The following DSC1 variants were observed in gnomAD, a reference collection of about 807,000 sequenced individuals.
DSC1 encodes the protein desmocollin-1.
DSC1 carries 79 observed loss-of-function variants against 98.8 expected under a neutral mutation model. The ratio of observed to expected loss-of-function variants is 0.80; its 90% CI spans 0.67 to 0.96. The LOEUF (loss-of-function observed/expected upper bound fraction) is 0.96. Among genes scored for constraint, DSC1 ranks in the 50% least tolerant of loss-of-function variants. The pLI is 0.00. For synonymous variants in DSC1, 405 were observed against 372.1 expected (o/e 1.09, Z -1.02); for missense variants, 1,115 against 1,075.9 (o/e 1.04, Z -0.51).
chr18:31,162,661 C>CCGCTCTG lies in DSC1; in HGVS notation c.-68_-67insCAGAGCG. ...GGGCAGCCTGGGATGCACAGAGCGG[C>CCGCTCTG]TAAGAAGACGCTGGCACTTGCACAG... is the stretch of plus-strand genomic sequence containing the variant. On this transcript the variant is annotated 5_prime_UTR_variant, in exon 1 of 16. Coordinates refer to ENST00000257198, the MANE Select transcript of DSC1 (RefSeq NM_024421.2). 6.9e-7 allele frequency: 1 copy of CCGCTCTG among 1,452,628 alleles called. No homozygotes were observed. The highest frequency in any genetic ancestry group is 9.7e-7 in the Non-Finnish European group (1 of 1,035,616). 90.0% of individuals were successfully genotyped at this position (1,452,628 alleles called of 1,614,324 possible).
At chr18:31,161,367 T>G (rs1374376548) in intron 1 of DSC1, among the ~76,000 whole-genome samples, 1 of 149,726 alleles carries the variant, frequency 6.7e-6, no homozygotes, top group African/African-American at 2.5e-5. Context: ...TATATATAAA[T>G]GTACATATAT....
intron 11 of DSC1, among the ~76,000 whole-genome samples, chr18:31,138,634 G>A (rs1988663141): frequency 6.6e-6 from 1 of 150,994 alleles, no homozygotes. Context: ...AAAAACAAAG[G>A]GACAAATAAA....
In DSC1 at chr18:31,159,431, A is replaced by G; in HGVS notation, c.148+14T>C. The G allele has an allele frequency of 3.7e-6, 6 of 1,610,476 alleles. No individual in the cohort carries two copies. Among genetic ancestry groups the G allele is most frequent in the Non-Finnish European group, 5.1e-6 (6 of 1,177,596 alleles). On this transcript the variant is annotated intron_variant, in intron 2 of 15. Transcript: ENST00000257198. ...ACAAGTTACAGCTATGAAACTGTTA[A>G]TAGTGTTTCTCACCTTTGCCTACAA...
At chr18:31,150,322 C>CACCACG (rs1988956966) in intron 5 of DSC1, among the ~76,000 whole-genome samples, 6 of 80,218 alleles carry the variant, frequency 7.5e-5, no homozygotes, top group African/African-American at 9.3e-5. Context: ...CTACTACCAT[C>CACCACG]ATCACCACCA....
intron 1 of DSC1, among the ~76,000 whole-genome samples, chr18:31,160,571 CTA>C (rs201759958): frequency 0.012 from 1,855 of 152,222 alleles, 38 homozygotes; most frequent in African/African-American, 0.043. Context: ...TTACAAAAAT[CTA>C]TGTTAGGCAG....
intron 1 of DSC1, among the ~76,000 whole-genome samples, chr18:31,160,572 T>C (rs1281983548): frequency 6.7e-6 from 1 of 148,592 alleles, no homozygotes; most frequent in African/African-American, 2.6e-5. Flanking sequence ...TACAAAAATC[T>C]ATGTTAGGCA....
Position 31,130,652 on chromosome 18 carries a change from C to A in DSC1, c.2547G>T (p.Ser849=), listed in dbSNP as rs1816634. 77,774 of 1,613,858 alleles carry A rather than the reference C, an allele frequency of 0.048. 2,988 individuals are homozygous for A. Among genetic ancestry groups the A allele is most frequent in the African/African-American group, 0.2 (15,216 of 74,896 alleles). The part of the protein sequence containing the change: ...EHKHCEDYVC[S]YNYEGKGSLA... ...GAGAACCTTTGCCTTCATAGTTATA[C>A]GAACAAACGTAGTCTTCACAATGTT... is the stretch of plus-strand genomic sequence containing the variant. Residue 849 remains serine, a synonymous_variant, in exon 16 of 16, where the codon TCG becomes TCT. Transcript: ENST00000257198.
At chr18:31,138,163 A>G (rs554500515) in intron 11 of DSC1, among the ~76,000 whole-genome samples, 3 of 152,220 alleles carry the variant, frequency 2.0e-5, no homozygotes, top group Admixed American at 1.3e-4. Context: ...TATTTTCTAC[A>G]CTACATTCAC....
rs201608322 is a variant in DSC1 at position 31,142,057 on chromosome 18, C to T, written c.1202G>A (p.Gly401Glu). The change falls in exon 9 of 16, where the codon GGA (glycine) becomes GAA (glutamate). Residue 401 changes from glycine to glutamate, a missense_variant. Gly to Glu is a moderately conservative substitution (Grantham distance 98). Transcript: ENST00000257198. ...VYKILQGNENGNFIISTDPNT... is the reference protein window; with the variant it reads ...VYKILQGNENENFIISTDPNT... Reference sequence around the variant, plus strand: ...TGGATCTGTGCTAATTATGAAGTTTCCATTTTCATTTCCTTGTAGGATTTT... The same window carrying T: ...TGGATCTGTGCTAATTATGAAGTTTTCATTTTCATTTCCTTGTAGGATTTT... 37 of 1,612,856 alleles carry T rather than the reference C, an allele frequency of 2.3e-5. No individual in the cohort carries two copies. The highest frequency in any genetic ancestry group is 2.9e-5 in the Non-Finnish European group (34 of 1,179,642).
At position 31,159,095 on chromosome 18, in the gene DSC1, G is replaced by A. The variant is rs113687265; in HGVS notation, c.148+350C>T. On this transcript the variant is annotated intron_variant, in intron 2 of 15. Transcript: ENST00000257198. ...AGAGTCTTGCTCTGTCGCCCAGGCC[G>A]GACTGCGGACTGCAGTGGCGCAATC... Among the ~76,000 whole-genome samples, 8 of 73,404 alleles carry A rather than the reference G, an allele frequency of 1.1e-4. 1 individual carries two copies. Among genetic ancestry groups the A allele is most frequent in the African/African-American group, 4.0e-4 (8 of 19,838 alleles). 48.2% of individuals were successfully genotyped at this position (73,404 alleles called of 152,430 possible).
intron 11 of DSC1, among the ~76,000 whole-genome samples, chr18:31,137,678 G>T (rs1029179647): frequency 4.6e-5 from 7 of 152,242 alleles, no homozygotes; most frequent in Non-Finnish European, 8.8e-5. Context: ...TATGATAATT[G>T]TTATCCCCAG....
In DSC1 at chr18:31,148,494, T is replaced by G. The variant is rs1238216907; in HGVS notation, c.772+4A>C. On this transcript the variant is annotated splice_donor_region_variant and intron_variant, in intron 6 of 15. Coordinates refer to ENST00000257198, the MANE Select transcript of DSC1 (RefSeq NM_024421.2). ...TGTCATGCTACAATAAAATGTGAACTTACCGGATCGGCAATTTTCAGGCAC... is the reference window on the plus strand; with the variant it reads ...TGTCATGCTACAATAAAATGTGAACGTACCGGATCGGCAATTTTCAGGCAC... 2 of 1,593,422 alleles carry G rather than the reference T, an allele frequency of 1.3e-6. No individual in the cohort carries two copies.
chr18:31,161,034 A>G (rs1289334939), intron 1 of DSC1, among the ~76,000 whole-genome samples: 1 of 152,114 alleles, frequency 6.6e-6, no homozygotes, highest in African/African-American at 2.4e-5. Context: ...CCTACATGGT[A>G]TACACCATGA....
Position 31,153,420 on chromosome 18 carries a change from T to A in DSC1, c.627+1354A>T, listed in dbSNP as rs144728910. The stretch of plus-strand genomic sequence containing the variant: ...CTTAGCTTACTTCTCCTGTAAGAAC[T>A]TGGATACACTATTTTTTAAAGTAAA... On this transcript the variant is annotated intron_variant, in intron 5 of 15. Transcript: ENST00000257198. 8.5e-4 allele frequency among the ~76,000 whole-genome samples: 130 copies of A among 152,310 alleles called. 1 individual carries two copies. The highest frequency in any genetic ancestry group is 6.8e-3 in the Middle Eastern group (2 of 294).
At chr18:31,133,793 T>G (rs1270614206) in intron 13 of DSC1, 98 bp downstream of exon 13, 4 of 1,225,764 alleles carry the variant, frequency 3.3e-6, no homozygotes, top group Non-Finnish European at 4.4e-6. Flanking sequence ...AAGAACACAC[T>G]TCCCAAAGGC....
At chr18:31,156,283 C>T (rs1346430589) in intron 3 of DSC1, 121 bp from the exon 4 acceptor site, 6 of 1,204,054 alleles carry the variant, frequency 5.0e-6, no homozygotes, top group South Asian at 3.0e-5. Flanking sequence ...CATGGCTAGT[C>T]AGCAAAGCAT....
At position 31,130,528 on chromosome 18, in the gene DSC1, A is replaced by G. The variant is rs374648965; in HGVS notation, c.2671T>C (p.Cys891Arg). 2.5e-6 allele frequency: 4 copies of G among 1,614,002 alleles called. No homozygotes were observed. In the South Asian group the frequency reaches 3.3e-5, roughly 13 times the overall value. ...AAAAGGCACATTTATTTCTTGATGCATGTCTTTGCTAATGTCCTAAATTTG... is the reference window on the plus strand; with the variant it reads ...AAAAGGCACATTTATTTCTTGATGCGTGTCTTTGCTAATGTCCTAAATTTG... Reference protein sequence around the residue: ...EPKFRTLAKTCIKK With the variant: ...EPKFRTLAKTRIKK Residue 891 changes from cysteine to arginine, a missense_variant, in exon 16 of 16, where the codon TGC becomes CGC. Physicochemically the swap from Cys to Arg is radical, Grantham distance 180. Coordinates refer to ENST00000257198, the MANE Select transcript of DSC1 (RefSeq NM_024421.2).
chr18:31,162,735 T>G lies in DSC1; in HGVS notation c.-141A>C, dbSNP rs1019769716. ...CAGCTGAGCTTGGTTTGGAAGACAG[T>G]CCGGAGGCAAGTGATAAACAGTAGG... On this transcript the variant is annotated 5_prime_UTR_variant, in exon 1 of 16. Transcript: ENST00000257198. 2.9e-6 allele frequency: 2 copies of G among 680,200 alleles called. No individual in the cohort carries two copies. The highest frequency in any genetic ancestry group is 5.1e-5 in the Admixed American group (2 of 38,886). 42.1% of individuals were successfully genotyped at this position (680,200 alleles called of 1,614,324 possible).
chr18:31,144,930 CTT>C (rs1170980389), intron 7 of DSC1, among the ~76,000 whole-genome samples: 1 of 124,740 alleles, frequency 8.0e-6, no homozygotes, highest in Non-Finnish European at 1.6e-5. Context: ...TCTGTATTTT[CTT>C]TTTCTTTCTT....
Sources: allele counts gnomAD v4.1 joint callset (sites outside exome capture counted in the v4.1 genomes callset), GRCh38; gene constraint gnomAD v4.1.1; transcripts MANE v1.5; gene names NCBI Gene and HGNC (gene_info 2026-07-23, HGNC 2026-07-21).